Variants in ASTN1 observed in about 807,000 individuals in gnomAD.
The protein encoded by ASTN1 is astrotactin-1.
A neutral mutation model predicts 140.7 loss-of-function variants in ASTN1; 41 were observed. That is an observed-to-expected ratio of 0.29 (90% confidence interval 0.23 to 0.38). ASTN1 has a LOEUF of 0.38. Among genes scored for constraint, ASTN1 ranks in the 10% least tolerant of loss-of-function variants. The pLI, the probability that ASTN1 is intolerant of heterozygous loss-of-function variation, is 1.00. For missense variants in ASTN1, 1,479 were observed against 1,678.8 expected, an observed-to-expected ratio of 0.88 and a Z score of 2.08; for synonymous variants, 640 against 652.2, an observed-to-expected ratio of 0.98 and a Z score of 0.29.
chr1:176,991,436 C>CAAAAAAAAAAAAAAAAAAAAAAAAAAA (rs1173420812), intron 8 of ASTN1, among the ~76,000 whole-genome samples: 8 of 13,810 alleles, frequency 5.8e-4, no homozygotes, highest in African/African-American at 6.4e-4. Context: ...AAAAAAAAAC[C>CAAAAAAAAAAAAAAAAAAAAAAAAAAA]AAAAAAAAAA....
chr1:177,086,666 T>A (rs1049737324), intron 1 of ASTN1, among the ~76,000 whole-genome samples: 2 of 152,212 alleles, frequency 1.3e-5, no homozygotes, highest in African/African-American at 4.8e-5. Flanking sequence ...AAAACTTTTT[T>A]AAAATGTGCA....
Position 176,896,065 on chromosome 1 carries a change from A to G in ASTN1, c.2672-1235T>C, listed in dbSNP as rs1330768491. 2.0e-5 allele frequency among the ~76,000 whole-genome samples: 3 copies of G among 152,126 alleles called. No homozygotes were observed. The East Asian group carries it at 5.8e-4, about 29-fold the overall frequency. The stretch of plus-strand genomic sequence containing the variant: ...AGGTGATTGTAGATATGACTCATCG[A>G]CTTTATAAAAGAGTTCTCTCTTATG... On this transcript the variant is annotated intron_variant, in intron 16 of 22. Coordinates refer to ENST00000361833, the MANE Select transcript of ASTN1 (RefSeq NM_004319.3).
At chr1:176,910,791 TGA>T (rs1317530249) in intron 16 of ASTN1, among the ~76,000 whole-genome samples, 2 of 152,060 alleles carry the variant, frequency 1.3e-5, no homozygotes, top group Non-Finnish European at 2.9e-5. Context: ...GAGCGGTGGG[TGA>T]GAGAGCATGA....
chr1:177,082,977 A>G (rs1679252798), intron 1 of ASTN1, among the ~76,000 whole-genome samples: 1 of 152,146 alleles, frequency 6.6e-6, no homozygotes, highest in Admixed American at 6.5e-5. Context: ...TCTGTAGAAA[A>G]TACACCCAAA....
intron 5 of ASTN1, among the ~76,000 whole-genome samples, chr1:177,025,678 T>A (rs1676071702): frequency 6.6e-6 from 1 of 152,208 alleles, no homozygotes; most frequent in Non-Finnish European, 1.5e-5. Flanking sequence ...GCTGAGTTTT[T>A]TTACGTACCT....
At chr1:176,893,999 A>C (rs1261939924) in intron 17 of ASTN1, among the ~76,000 whole-genome samples, 3 of 152,206 alleles carry the variant, frequency 2.0e-5, no homozygotes, top group African/African-American at 4.8e-5. Flanking sequence ...CAGCAGCATA[A>C]TAGAAAGGCA....
chr1:177,030,232 A>T (rs1017667982), intron 4 of ASTN1, among the ~76,000 whole-genome samples: 4 of 152,252 alleles, frequency 2.6e-5, no homozygotes, highest in African/African-American at 4.8e-5. Flanking sequence ...AATCCTTTAA[A>T]TCAGAGATAA....
intron 1 of ASTN1, among the ~76,000 whole-genome samples, chr1:177,068,279 T>A (rs1034910547): frequency 5.9e-5 from 9 of 152,172 alleles, no homozygotes; most frequent in African/African-American, 1.9e-4. Flanking sequence ...CACAGAACTA[T>A]GTGGAACAAA....
At chr1:177,127,148 T>TAA (rs796139548) in intron 1 of ASTN1, among the ~76,000 whole-genome samples, 30 of 151,160 alleles carry the variant, frequency 2.0e-4, no homozygotes, top group African/African-American at 6.9e-4. Flanking sequence ...TATTTTTTTT[T>TAA]AAAAAAAGAA....
At chr1:176,920,840 C>A (rs560605016) in intron 16 of ASTN1, among the ~76,000 whole-genome samples, 1 of 152,172 alleles carries the variant, frequency 6.6e-6, no homozygotes, top group Non-Finnish European at 1.5e-5. Context: ...ACTCAATACA[C>A]CTTTTTGAAT....
Position 177,133,110 on chromosome 1 carries a change from A to G in ASTN1, c.283+31284T>C, listed in dbSNP as rs144571212. Among the ~76,000 whole-genome samples the G allele has an allele frequency of 3.3e-5, 5 of 152,346 alleles. 1 individual carries two copies. The East Asian group carries it at 9.6e-4, about 29-fold the overall frequency. ...TGTCCAGCTGAATCCTGCTTTTATC[A>G]CATGTATCACCTTAGTTATCTAACT... On this transcript the variant is annotated intron_variant, in intron 1 of 22. Transcript: ENST00000361833.
At chr1:177,105,572 AC>A (rs1680510799) in intron 1 of ASTN1, among the ~76,000 whole-genome samples, 1 of 151,860 alleles carries the variant, frequency 6.6e-6, no homozygotes, top group African/African-American at 2.4e-5. Context: ...CCTCTTTCCC[AC>A]CATAACTAAC....
intron 1 of ASTN1, among the ~76,000 whole-genome samples, chr1:177,091,699 C>T (rs542068653): frequency 6.6e-6 from 1 of 152,224 alleles, no homozygotes; most frequent in East Asian, 1.9e-4. Context: ...TAGCAGTTCC[C>T]ATCCCCCAGC....
At chr1:176,894,126 C>T (rs1669388281) in intron 17 of ASTN1, among the ~76,000 whole-genome samples, 1 of 152,170 alleles carries the variant, frequency 6.6e-6, no homozygotes, top group African/African-American at 2.4e-5. Flanking sequence ...GCCTGATATG[C>T]TCCTTCTAGT....
At chr1:176,905,469 C>G (rs1167669761) in intron 16 of ASTN1, among the ~76,000 whole-genome samples, 1 of 152,220 alleles carries the variant, frequency 6.6e-6, no homozygotes, top group Non-Finnish European at 1.5e-5. Flanking sequence ...CCATTTTCCT[C>G]TGGACACTCA....
intron 11 of ASTN1, among the ~76,000 whole-genome samples, chr1:176,953,137 G>T (rs550642638): frequency 6.6e-6 from 1 of 152,118 alleles, no homozygotes; most frequent in Non-Finnish European, 1.5e-5. Context: ...CCTTTTCTTT[G>T]TCATCTTTCC....
At chr1:176,860,842 T>C (rs1667937238), downstream of ASTN1, among the ~76,000 whole-genome samples, 1 of 152,236 alleles carries the variant, frequency 6.6e-6, no homozygotes, top group Non-Finnish European at 1.5e-5. Flanking sequence ...GGCTACTTAT[T>C]TGGAGAAGGT....
chr1:177,092,979 G>T (rs1571771999), intron 1 of ASTN1, among the ~76,000 whole-genome samples: 1 of 152,126 alleles, frequency 6.6e-6, no homozygotes, highest in East Asian at 1.9e-4. Context: ...TGTTAAAGAA[G>T]TTAGTTATAG....
chr1:177,027,713 AGTGTGTGTGTGTGT>A (rs56405518), intron 5 of ASTN1, among the ~76,000 whole-genome samples: 1,549 of 118,648 alleles, frequency 0.013, 12 homozygotes, highest in Non-Finnish European at 0.017. Context: ...AACCCAGTAC[AGTGTGTGTGTGTGT>A]GTGTGTGTGT....
Sources: allele counts gnomAD v4.1 joint callset (sites outside exome capture counted in the v4.1 genomes callset), GRCh38; gene constraint gnomAD v4.1.1; transcripts MANE v1.5; gene names NCBI Gene and HGNC (gene_info 2026-07-23, HGNC 2026-07-21).